TAS2R10: variants seen among roughly 807,000 people sequenced by gnomAD.
The protein encoded by TAS2R10 is taste 2 receptor member 10.
For missense variants in TAS2R10, 385 were observed against 362.0 expected, an observed-to-expected ratio of 1.06 and a Z score of -0.52; for synonymous variants, 144 against 126.6, an observed-to-expected ratio of 1.14 and a Z score of -0.92.
At chr12:10,825,907 C>T (rs1948862744) in exon 1 of TAS2R10, 1 of 1,613,418 alleles carries the variant, frequency 6.2e-7, no homozygotes, top group South Asian at 1.1e-5. Context: ...TTCTGCTCTT[C>T]AACCAGAGAA....
Position 10,826,297 on chromosome 12 carries a change from T to C in TAS2R10, c.-28A>G, listed in dbSNP as rs529881632. ...CTGCTAATTCTTAATATTGCTTCTG[T>C]TACATCTATCTTAGATTACCTGCTG... On this transcript the variant is annotated 5_prime_UTR_variant, in exon 1 of 1. The change abolishes the stop of an existing upstream ORF in the 5' untranslated region. Coordinates refer to ENST00000240619, the Ensembl canonical transcript of TAS2R10. 3.3e-6 allele frequency: 5 copies of C among 1,501,648 alleles called. No individual in the cohort carries two copies. The highest frequency in any genetic ancestry group is 4.5e-6 in the Non-Finnish European group (5 of 1,100,296). The allele number at this position is 1,501,648 out of a possible 1,614,324, so 93.0% of individuals were successfully genotyped here.
At chr12:10,825,369 T>G in exon 1 of TAS2R10, 1 of 1,609,722 alleles carries the variant, frequency 6.2e-7, no homozygotes, top group Non-Finnish European at 8.5e-7. Context: ...AGATTTTTCC[T>G]TTTCTCACAG....
chr12:10,825,227 CA>C, downstream of TAS2R10: 1 of 774,734 alleles, frequency 1.3e-6, no homozygotes, highest in Non-Finnish European at 2.0e-6. Flanking sequence ...TGGAAGATTT[CA>C]GTGATCTTTA....
At chr12:10,825,339 A>G (rs1326728152) in exon 1 of TAS2R10, 1 of 1,591,300 alleles carries the variant, frequency 6.3e-7, no homozygotes, top group South Asian at 1.1e-5. Flanking sequence ...ATCTCTTCCC[A>G]AGGTGTCTAT....
At chr12:10,825,915 G>C (rs1216830841) in exon 1 of TAS2R10, 31 of 1,613,412 alleles carry the variant, frequency 1.9e-5, no homozygotes, top group Non-Finnish European at 2.6e-5. Context: ...TTCAACCAGA[G>C]AAATATGTAG....
At chr12:10,825,614 G>C in exon 1 of TAS2R10, 1 of 1,613,804 alleles carries the variant, frequency 6.2e-7, no homozygotes. Flanking sequence ...ATGAGCTTCT[G>C]TGTTGGAGTC....
exon 1 of TAS2R10, chr12:10,825,865 G>T (rs1378081477): frequency 1.2e-6 from 2 of 1,612,994 alleles, no homozygotes; most frequent in South Asian, 2.2e-5. Flanking sequence ...AAATAAGTAA[G>T]AATACTATCA....
chr12:10,825,221 A>G (rs546523517), downstream of TAS2R10: 149 of 758,086 alleles, frequency 2.0e-4, no homozygotes, highest in Non-Finnish European at 2.9e-4. Context: ...CAATTATGGA[A>G]GATTTCAGTG....
At chr12:10,825,467 A>G (rs1948857301) in exon 1 of TAS2R10, 2 of 1,613,590 alleles carry the variant, frequency 1.2e-6, no homozygotes, top group African/African-American at 2.7e-5. Flanking sequence ...CCAGGGATAG[A>G]TGGCTGTGGT....
At chr12:10,825,716 A>G (rs781464621) in exon 1 of TAS2R10, 5 of 1,613,494 alleles carry the variant, frequency 3.1e-6, no homozygotes, top group Non-Finnish European at 4.2e-6. Context: ...TAGTGTAAAG[A>G]AGAAAATGAC....
downstream of TAS2R10, chr12:10,825,230 T>C (rs1948855055): frequency 1.3e-6 from 1 of 777,896 alleles, no homozygotes; most frequent in Non-Finnish European, 2.0e-6. Flanking sequence ...AAGATTTCAG[T>C]GATCTTTAAT....
exon 1 of TAS2R10, chr12:10,825,428 T>C (rs770502403): frequency 1.2e-6 from 2 of 1,613,664 alleles, no homozygotes; most frequent in South Asian, 1.1e-5. Context: ...TAGCTTGCTG[T>C]TTCCTAGAAT....
At chr12:10,826,183 A>T in exon 1 of TAS2R10, 1 of 1,613,454 alleles carries the variant, frequency 6.2e-7, no homozygotes, top group Non-Finnish European at 8.5e-7. Flanking sequence ...TGCAGTTTAC[A>T]AGTCCAATAA....
At chr12:10,825,341 G>T (rs781348965) in exon 1 of TAS2R10, 1 of 1,591,552 alleles carries the variant, frequency 6.3e-7, no homozygotes, top group Non-Finnish European at 8.5e-7. Context: ...CTCTTCCCAA[G>T]GTGTCTATGT....
chr12:10,826,130 A>G, exon 1 of TAS2R10: 1 of 1,613,568 alleles, frequency 6.2e-7, no homozygotes, highest in Non-Finnish European at 8.5e-7. Flanking sequence ...TAAGCCGGTG[A>G]GAATAAAGCC....
rs377594117 is a variant in TAS2R10 at position 10,825,977 on chromosome 12, A to G, written c.293T>C (p.Phe98Ser). 30 of 1,613,598 alleles carry G rather than the reference A, an allele frequency of 1.9e-5. No homozygotes were observed. Among genetic ancestry groups the G allele is most frequent in the African/African-American group, 6.7e-5 (5 of 74,900 alleles). The change falls in exon 1 of 1, where the codon TTT becomes TCT. Residue 98 changes from phenylalanine to serine, a missense_variant. Phe to Ser is a radical substitution (Grantham distance 155, BLOSUM62 -2). Coordinates refer to ENST00000240619, the Ensembl canonical transcript of TAS2R10. ...ATAGAAGATGCTGAGGCTGGTGGCA[A>G]ACCACATACTTGATTGATTACCAAT...
chr12:10,825,774 T>G, exon 1 of TAS2R10: 1 of 1,613,428 alleles, frequency 6.2e-7, no homozygotes, highest in Non-Finnish European at 8.5e-7. Flanking sequence ...CTTTTATACA[T>G]GTTGAGATCC....
chr12:10,826,268 A>G (rs768116897), exon 1 of TAS2R10: 3 of 1,593,128 alleles, frequency 1.9e-6, no homozygotes, highest in South Asian at 1.1e-5. Flanking sequence ...TACACGTAGC[A>G]TATCTGCTAA....
chr12:10,826,079 T>G, exon 1 of TAS2R10: 1 of 1,613,120 alleles, frequency 6.2e-7, no homozygotes, highest in Non-Finnish European at 8.5e-7. Context: ...TATAAATCCA[T>G]CTGTAATTAT....
Sources: gnomAD v4.1 joint callset for allele counts on GRCh38, gnomAD v4.1.1 for gene constraint, MANE v1.5 for transcripts, NCBI Gene and HGNC (gene_info 2026-07-23, HGNC 2026-07-21) for gene names.